KHDRBS2: variants seen among roughly 807,000 people sequenced by gnomAD.
The protein encoded by KHDRBS2 is KH domain-containing, RNA-binding, signal transduction-associated protein 2.
A neutral mutation model predicts 44.3 loss-of-function variants in KHDRBS2; 26 were observed. The ratio of observed to expected loss-of-function variants is 0.59; its 90% CI spans 0.43 to 0.81. The LOEUF (loss-of-function observed/expected upper bound fraction) is 0.81. Ranked by LOEUF, KHDRBS2 falls within the 40% of genes least tolerant of loss-of-function variation. The pLI is 0.00. For missense variants in KHDRBS2, 476 were observed against 433.1 expected (o/e 1.10, Z -0.88); for synonymous variants, 194 against 151.1 (o/e 1.28, Z -2.08).
chr6:61,783,037 G>A (rs1401851502), intron 6 of KHDRBS2, among the ~76,000 whole-genome samples: 1 of 151,956 alleles, frequency 6.6e-6, no homozygotes, highest in African/African-American at 2.4e-5. Context: ...TGCGCACCAT[G>A]AGGCCATGCC....
At chr6:62,044,587 T>A (rs566396674) in intron 3 of KHDRBS2, among the ~76,000 whole-genome samples, 91 of 152,176 alleles carry the variant, frequency 6.0e-4, no homozygotes, top group Non-Finnish European at 9.6e-4. Flanking sequence ...ATCTGCATTA[T>A]CATGTCTTAT....
At chr6:62,052,312 C>A (rs533762981) in intron 2 of KHDRBS2, among the ~76,000 whole-genome samples, 1 of 151,752 alleles carries the variant, frequency 6.6e-6, no homozygotes, top group African/African-American at 2.4e-5. Flanking sequence ...TGAGACCTTG[C>A]CATTTTTGCC....
the KHDRBS2 span, among the ~76,000 whole-genome samples, chr6:61,557,301 T>C: frequency 2.0e-5 from 3 of 152,184 alleles, no homozygotes; most frequent in Non-Finnish European, 4.4e-5. Context: ...TATAATAGCA[T>C]AAAGTTCCCA....
the KHDRBS2 span, among the ~76,000 whole-genome samples, chr6:61,587,211 T>A: frequency 6.6e-6 from 1 of 152,168 alleles, no homozygotes. Context: ...TCAACTAGAC[T>A]TAGCAGATAC....
chr6:61,934,116 C>A (rs1810597832), intron 4 of KHDRBS2, among the ~76,000 whole-genome samples: 1 of 151,244 alleles, frequency 6.6e-6, no homozygotes, highest in African/African-American at 2.4e-5. Context: ...CTGTTCAGGT[C>A]TTTTGCCCAT....
intron 1 of KHDRBS2, among the ~76,000 whole-genome samples, chr6:62,249,359 AAAT>A (rs1273423728): frequency 3.3e-5 from 5 of 152,078 alleles, no homozygotes; most frequent in Non-Finnish European, 7.4e-5. Flanking sequence ...ACACTTTACA[AAAT>A]AATAAGAGAA....
the KHDRBS2 span, among the ~76,000 whole-genome samples, chr6:61,609,351 T>G: frequency 6.6e-6 from 1 of 152,258 alleles, no homozygotes; most frequent in Non-Finnish European, 1.5e-5. Context: ...AGAGCGAAAC[T>G]CTGTCTCAAA....
chr6:61,709,232 A>T (rs1770088119), intron 7 of KHDRBS2, among the ~76,000 whole-genome samples: 1 of 151,712 alleles, frequency 6.6e-6, no homozygotes, highest in Admixed American at 6.6e-5. Context: ...ATTCTGAAAC[A>T]TGAAATAACC....
intron 6 of KHDRBS2, among the ~76,000 whole-genome samples, chr6:61,829,458 C>T (rs1791453844): frequency 1.3e-5 from 2 of 152,018 alleles, no homozygotes; most frequent in South Asian, 4.1e-4. Flanking sequence ...GCCACTGCGC[C>T]CTATTGGATT....
intron 7 of KHDRBS2, among the ~76,000 whole-genome samples, chr6:61,726,188 T>C (rs1582427941): frequency 6.6e-6 from 1 of 150,906 alleles, no homozygotes; most frequent in East Asian, 2.0e-4. Flanking sequence ...ACAGAACTAA[T>C]AGATGCAGAA....
chr6:61,815,953 A>C (rs1372866025), intron 6 of KHDRBS2, among the ~76,000 whole-genome samples: 44 of 152,166 alleles, frequency 2.9e-4, no homozygotes, highest in Non-Finnish European at 2.9e-5. Flanking sequence ...TTATTGTGGG[A>C]AGGATTTTCA....
Position 62,069,383 on chromosome 6 carries a change from G to A in KHDRBS2, c.220-21389C>T, listed in dbSNP as rs577857562. On this transcript the variant is annotated intron_variant, in intron 2 of 8. Transcript: ENST00000281156. The stretch of plus-strand genomic sequence containing the variant: ...AGTTTATGTCACCTGTTTAGAAGAC[G>A]CATAGTCTGTGTGAAATGGCAGGCA... Among the ~76,000 whole-genome samples the A allele has an allele frequency of 3.6e-4, 55 of 151,744 alleles. 1 individual carries two copies. Among genetic ancestry groups the A allele is most frequent in the South Asian group, 1.5e-3 (7 of 4,822 alleles).
At chr6:61,658,107 A>G in the KHDRBS2 span, among the ~76,000 whole-genome samples, 1 of 151,904 alleles carries the variant, frequency 6.6e-6, no homozygotes, top group Non-Finnish European at 1.5e-5. Context: ...TTTGAATAAA[A>G]CATAAATCCT....
At chr6:62,234,878 T>C (rs1417531597) in intron 1 of KHDRBS2, among the ~76,000 whole-genome samples, 7 of 152,070 alleles carry the variant, frequency 4.6e-5, no homozygotes, top group Admixed American at 1.3e-4. Context: ...GTAAGTCCCA[T>C]GAGGTTCCTA....
chr6:62,182,601 GT>G (rs1822555754), intron 1 of KHDRBS2, among the ~76,000 whole-genome samples: 2 of 151,824 alleles, frequency 1.3e-5, no homozygotes, highest in Non-Finnish European at 2.9e-5. Context: ...TATTACATAT[GT>G]ACAGCTTTTT....
intron 6 of KHDRBS2, among the ~76,000 whole-genome samples, chr6:61,878,692 C>T (rs1017016693): frequency 6.6e-5 from 10 of 151,970 alleles, no homozygotes; most frequent in African/African-American, 2.2e-4. Context: ...GTATACAGCA[C>T]TTAGACAAGC....
At chr6:62,139,115 T>G (rs1203209206) in intron 2 of KHDRBS2, among the ~76,000 whole-genome samples, 1 of 152,046 alleles carries the variant, frequency 6.6e-6, no homozygotes, top group African/African-American at 2.4e-5. Flanking sequence ...ACCTTTAGTT[T>G]CAGATTTTAT....
intron 1 of KHDRBS2, among the ~76,000 whole-genome samples, chr6:62,257,445 G>A (rs1462484220): frequency 2.6e-5 from 4 of 152,066 alleles, no homozygotes; most frequent in African/African-American, 7.2e-5. Context: ...TAACAGAGCA[G>A]ATTATTCTTT....
intron 3 of KHDRBS2, among the ~76,000 whole-genome samples, chr6:62,040,153 G>A (rs1217293557): frequency 6.6e-6 from 1 of 151,744 alleles, no homozygotes; most frequent in Non-Finnish European, 1.5e-5. Flanking sequence ...ATTATTTGAC[G>A]GTGGGAGAGG....
Sources: allele counts gnomAD v4.1 joint callset (sites outside exome capture counted in the v4.1 genomes callset), GRCh38; gene constraint gnomAD v4.1.1; transcripts MANE v1.5; gene names NCBI Gene and HGNC (gene_info 2026-07-23, HGNC 2026-07-21).